Variants in CA5A observed in about 807,000 individuals in gnomAD.
CA5A encodes the protein carbonic anhydrase 5A, also known as carbonic anhydrase 5A, mitochondrial.
CA5A carries 28 observed loss-of-function variants against 37.1 expected under a neutral mutation model. That is an observed-to-expected ratio of 0.75 (90% CI 0.56 to 1.03). CA5A has a LOEUF of 1.03. Among genes scored for constraint, CA5A ranks in the 50% least tolerant of loss-of-function variants. The probability of loss-of-function intolerance (pLI) is 0.00; values close to 1 mark genes in which losing one functional copy is unlikely to be tolerated. For synonymous variants in CA5A, 171 were observed against 158.4 expected, an observed-to-expected ratio of 1.08 and a Z score of -0.60; for missense variants, 444 against 399.9, an observed-to-expected ratio of 1.11 and a Z score of -0.94.
rs377314096 is a variant in CA5A, at chr16:87,891,944, G to T, written c.629C>A (p.Ala210Glu). 2 of 1,541,444 alleles carry T rather than the reference G, an allele frequency of 1.3e-6. No homozygotes were observed. The highest frequency in any genetic ancestry group is 1.7e-6 in the Non-Finnish European group (2 of 1,145,002). Residue 210 changes from alanine to glutamate, a missense_variant, in exon 6 of 7, where the codon GCG becomes GAG. Coordinates refer to ENST00000649794, the MANE Select transcript of CA5A (RefSeq NM_001739.2). ...LPEIKHKDAR[A>E]AMRPFDPSTL... Reference sequence around the variant, plus strand: ...GGAGGGGTCGAAGGGGCGCATGGCCGCCCGCGCGTCCTGAGAGACCGAGAA... The same window carrying T: ...GGAGGGGTCGAAGGGGCGCATGGCCTCCCGCGCGTCCTGAGAGACCGAGAA...
intron 2 of CA5A, 22 bp downstream of exon 2, chr16:87,926,717 ACAAAGCCCT>A: frequency 6.4e-7 from 1 of 1,572,596 alleles, no homozygotes; most frequent in Non-Finnish European, 8.7e-7. Flanking sequence ...ACGGGAGAGG[ACAAAGCCCT>A]CGAGCCCCAG....
chr16:87,887,904 C>T (rs796870685), downstream of CA5A: 13 of 521,626 alleles, frequency 2.5e-5, no homozygotes, highest in African/African-American at 2.3e-4. Context: ...AAGCACCCTG[C>T]ACTTGCGTTG....
intron 5 of CA5A, among the ~76,000 whole-genome samples, chr16:87,892,695 T>A (rs145885568): frequency 0.066 from 9,447 of 142,556 alleles, 365 homozygotes; most frequent in Middle Eastern, 0.15. Context: ...TTTTTCGAGA[T>A]GGAGTTTTGC....
intron 2 of CA5A, among the ~76,000 whole-genome samples, chr16:87,919,057 C>T (rs779532113): frequency 1.3e-5 from 2 of 152,208 alleles, no homozygotes; most frequent in African/African-American, 4.8e-5. Flanking sequence ...GGAGACACAC[C>T]GGATCCTTCT....
chr16:87,899,528 C>A (rs1332849929), intron 5 of CA5A, among the ~76,000 whole-genome samples: 2 of 150,932 alleles, frequency 1.3e-5, no homozygotes, highest in African/African-American at 2.4e-5. Flanking sequence ...GTTTTGAACA[C>A]CTGACCTCAA....
intron 2 of CA5A, among the ~76,000 whole-genome samples, chr16:87,917,476 C>T (rs927708477): frequency 1.3e-5 from 2 of 152,218 alleles, no homozygotes; most frequent in African/African-American, 4.8e-5. Context: ...GAGAAAATAT[C>T]TGTAGAGAGA....
intron 2 of CA5A, among the ~76,000 whole-genome samples, chr16:87,907,854 A>G (rs1268978577): frequency 2.0e-5 from 3 of 152,136 alleles, no homozygotes; most frequent in Non-Finnish European, 2.9e-5. Context: ...TGAACTTGGC[A>G]GGCGGAGGTT....
chr16:87,913,778 G>A (rs1429690586), intron 2 of CA5A, among the ~76,000 whole-genome samples: 1 of 152,134 alleles, frequency 6.6e-6, no homozygotes, highest in Non-Finnish European at 1.5e-5. Flanking sequence ...CACACCTGGG[G>A]AGCGTAGCTG....
rs376668383 is a variant in CA5A at position 87,907,182 on chromosome 16, C to G, written c.341-2278G>C. On this transcript the variant is annotated intron_variant, in intron 2 of 6. Transcript: ENST00000649794. Reference sequence around the variant, plus strand: ...GCAGTGAGCCGAGATTGCGCCAATGCACTTCAGCCTGGGCGACAGAGTGAG... The same window carrying G: ...GCAGTGAGCCGAGATTGCGCCAATGGACTTCAGCCTGGGCGACAGAGTGAG... 1.8e-4 allele frequency among the ~76,000 whole-genome samples: 28 copies of G among 152,216 alleles called. 1 individual carries two copies. In the South Asian group the frequency reaches 2.3e-3, roughly 12 times the overall value.
intron 2 of CA5A, among the ~76,000 whole-genome samples, chr16:87,918,151 C>T (rs1364645998): frequency 1.3e-5 from 2 of 152,184 alleles, no homozygotes; most frequent in African/African-American, 2.4e-5. Flanking sequence ...GGCTCTCAGG[C>T]CTCGTTTGGA....
intron 2 of CA5A, among the ~76,000 whole-genome samples, chr16:87,926,205 C>T (rs913020134): frequency 2.7e-5 from 4 of 149,442 alleles, no homozygotes; most frequent in African/African-American, 9.9e-5. Flanking sequence ...AATGACAGAG[C>T]AAGACTCTGT....
At chr16:87,893,614 C>T (rs2055757377) in intron 5 of CA5A, 1 of 703,958 alleles carries the variant, frequency 1.4e-6, no homozygotes. Context: ...AGCTGACAGA[C>T]ATACCTACAG....
At chr16:87,936,101 A>G (rs59155840) in intron 1 of CA5A, among the ~76,000 whole-genome samples, 20,992 of 148,756 alleles carry the variant, frequency 0.14, 2,426 homozygotes, top group East Asian at 0.32. Flanking sequence ...GAACCCGGGA[A>G]GTGGAGGTTG....
intron 1 of CA5A, among the ~76,000 whole-genome samples, chr16:87,928,177 A>G (rs540639446): frequency 1.3e-5 from 2 of 152,230 alleles, no homozygotes; most frequent in African/African-American, 4.8e-5. Flanking sequence ...TAAATGGAAT[A>G]GTGCGTTTTT....
At chr16:87,901,879 G>C in intron 5 of CA5A, 33 bp downstream of exon 5, 4 of 1,592,060 alleles carry the variant, frequency 2.5e-6, no homozygotes, top group Non-Finnish European at 3.4e-6. Flanking sequence ...GAGCCTCCGC[G>C]CCCGGCCTGC....
intron 2 of CA5A, among the ~76,000 whole-genome samples, chr16:87,919,933 T>C (rs1440332192): frequency 6.6e-6 from 1 of 152,130 alleles, no homozygotes; most frequent in Non-Finnish European, 1.5e-5. Flanking sequence ...CCATGGAAAG[T>C]GGCGAACACC....
intron 5 of CA5A, chr16:87,893,123 T>C (rs929550626): frequency 2.8e-5 from 16 of 562,560 alleles, no homozygotes; most frequent in African/African-American, 2.0e-4. Context: ...TCTTTCTTTC[T>C]TCCTTTCTTT....
intron 6 of CA5A, among the ~76,000 whole-genome samples, chr16:87,888,473 C>T (rs1351658419): frequency 6.6e-6 from 1 of 152,150 alleles, no homozygotes; most frequent in Non-Finnish European, 1.5e-5. Context: ...TTTAGGATCA[C>T]TTGCTCTGGG....
downstream of CA5A, chr16:87,887,927 C>G (rs1272672128): frequency 1.5e-6 from 1 of 672,394 alleles, no homozygotes; most frequent in African/African-American, 1.8e-5. Context: ...TGCCATGGCA[C>G]ACCCCTCCAT....
Sources: allele counts gnomAD v4.1 joint callset (sites outside exome capture counted in the v4.1 genomes callset), GRCh38; gene constraint gnomAD v4.1.1; transcripts MANE v1.5; gene names NCBI Gene and HGNC (gene_info 2026-07-23, HGNC 2026-07-21).